Variants in PAMR1 observed in about 807,000 individuals in gnomAD.
The protein encoded by PAMR1 is inactive serine protease PAMR1.
A neutral mutation model predicts 81.8 loss-of-function variants in PAMR1; 88 were observed. That is an observed-to-expected ratio of 1.08 (90% CI 0.91 to 1.28). The LOEUF is 1.28. Among genes scored for constraint, PAMR1 ranks in the 50% most tolerant of loss-of-function variants. The probability of loss-of-function intolerance (pLI) is 0.00; values close to 1 mark genes in which losing one functional copy is unlikely to be tolerated. For missense variants in PAMR1, 935 were observed against 919.7 expected, an observed-to-expected ratio of 1.02 and a Z score of -0.21; for synonymous variants, 336 against 345.3, an observed-to-expected ratio of 0.97 and a Z score of 0.30.
chr11:35,440,759 C>T (rs1856147951), intron 7 of PAMR1, among the ~76,000 whole-genome samples: 1 of 152,192 alleles, frequency 6.6e-6, no homozygotes, highest in African/African-American at 2.4e-5. Context: ...CCTTGATTCC[C>T]AGATTGCCTC....
intron 6 of PAMR1, among the ~76,000 whole-genome samples, chr11:35,463,354 G>A (rs1187054343): frequency 6.6e-6 from 1 of 152,230 alleles, no homozygotes; most frequent in Admixed American, 6.5e-5. Flanking sequence ...AGAGCCCGCA[G>A]TGTGAGCATT....
In PAMR1 at chr11:35,474,694, A is replaced by G; in HGVS notation, c.430T>C (p.Tyr144His). ...CATTCACAGTGAGCATTTAGGGGAT[A>G]GCTTTCCAACAAAATCTGACCCTTT... ...APKGQILLESYPLNAHCEWTI... is the reference protein window; with the variant it reads ...APKGQILLESHPLNAHCEWTI... The change falls in exon 4 of 11, where the codon TAT (tyrosine) becomes CAT (histidine). Residue 144 changes from tyrosine to histidine, a missense_variant. Transcript: ENST00000619888. 1 of 1,611,224 alleles carries G rather than the reference A, an allele frequency of 6.2e-7. No individual in the cohort carries two copies. Among genetic ancestry groups the G allele is most frequent in the Non-Finnish European group, 8.5e-7 (1 of 1,178,862 alleles).
intron 3 of PAMR1, among the ~76,000 whole-genome samples, chr11:35,484,641 C>G (rs747339538): frequency 6.6e-6 from 1 of 152,258 alleles, no homozygotes; most frequent in Admixed American, 6.5e-5. Context: ...TCCTCTGTTT[C>G]TCTGCCTCTG....
intron 3 of PAMR1, among the ~76,000 whole-genome samples, chr11:35,484,015 T>C (rs1212833926): frequency 6.6e-6 from 1 of 152,228 alleles, no homozygotes; most frequent in Non-Finnish European, 1.5e-5. Context: ...TTTCTTCCCC[T>C]GCCACCCAAA....
chr11:35,490,525 G>A (rs944702382), intron 3 of PAMR1, among the ~76,000 whole-genome samples: 1 of 152,226 alleles, frequency 6.6e-6, no homozygotes, highest in South Asian at 2.1e-4. Flanking sequence ...GGTGGCATGT[G>A]CCTGCAGTCC....
chr11:35,500,082 G>A (rs2135407324), intron 1 of PAMR1, among the ~76,000 whole-genome samples: 1 of 152,268 alleles, frequency 6.6e-6, no homozygotes, highest in East Asian at 1.9e-4. Context: ...CTTCTCCTGT[G>A]GAGCATCCAG....
At chr11:35,464,918 G>A (rs187856065) in intron 6 of PAMR1, among the ~76,000 whole-genome samples, 30 of 152,230 alleles carry the variant, frequency 2.0e-4, no homozygotes, top group East Asian at 3.9e-4. Flanking sequence ...TCTGTACATC[G>A]GAATTCTATT....
chr11:35,448,084 T>G (rs113022516), intron 6 of PAMR1, among the ~76,000 whole-genome samples: 5,686 of 152,300 alleles, frequency 0.037, 362 homozygotes, highest in African/African-American at 0.13. Context: ...ATTTTTTCCT[T>G]CATTTCAACC....
chr11:35,467,344 C>T, intron 6 of PAMR1, among the ~76,000 whole-genome samples: 1 of 152,222 alleles, frequency 6.6e-6, no homozygotes, highest in African/African-American at 2.4e-5. Context: ...GAAAACCTAC[C>T]TAGGAGACTC....
intron 3 of PAMR1, among the ~76,000 whole-genome samples, chr11:35,485,188 A>C (rs1011078877): frequency 1.3e-5 from 2 of 152,212 alleles, no homozygotes; most frequent in African/African-American, 4.8e-5. Context: ...CAGCCTGCTT[A>C]ACGGGCCAAA....
At chr11:35,524,720 C>A (rs149791866) in intron 1 of PAMR1, among the ~76,000 whole-genome samples, 8 of 152,178 alleles carry the variant, frequency 5.3e-5, no homozygotes, top group African/African-American at 1.9e-4. Flanking sequence ...CCCACTTCCC[C>A]GCCTGCCAGC....
intron 3 of PAMR1, among the ~76,000 whole-genome samples, chr11:35,479,371 G>A (rs1471209675): frequency 6.6e-6 from 1 of 152,206 alleles, no homozygotes; most frequent in African/African-American, 2.4e-5. Flanking sequence ...TTGGAAATGA[G>A]AATATTTGTA....
intron 3 of PAMR1, among the ~76,000 whole-genome samples, chr11:35,490,414 A>T (rs1850598509): frequency 6.6e-6 from 1 of 152,224 alleles, no homozygotes; most frequent in African/African-American, 2.4e-5. Flanking sequence ...ACCCAAAGTG[A>T]TCTTACATAA....
chr11:35,463,743 C>T (rs965552291), intron 6 of PAMR1, among the ~76,000 whole-genome samples: 6 of 152,132 alleles, frequency 3.9e-5, no homozygotes, highest in Non-Finnish European at 8.8e-5. Flanking sequence ...TTTCCTCCTT[C>T]GGAAACAATC....
intron 1 of PAMR1, among the ~76,000 whole-genome samples, chr11:35,495,126 A>G (rs1565352166): frequency 6.6e-6 from 1 of 152,222 alleles, no homozygotes. Context: ...TGCAAGGCCA[A>G]TTGCCAAGTA....
chr11:35,473,612 T>C (rs920447665), intron 4 of PAMR1, among the ~76,000 whole-genome samples: 1 of 152,160 alleles, frequency 6.6e-6, no homozygotes, highest in Admixed American at 6.5e-5. Flanking sequence ...CAAGCTGTCA[T>C]GCACTAGTTT....
chr11:35,491,884 C>A (rs1339721205), intron 3 of PAMR1, among the ~76,000 whole-genome samples, 161 bp downstream of exon 3: 6 of 152,230 alleles, frequency 3.9e-5, no homozygotes, highest in African/African-American at 1.4e-4. Flanking sequence ...CCACACCTTG[C>A]AGATGGAAAT....
In PAMR1 at chr11:35,432,441, T is replaced by C. The variant is rs757091859; in HGVS notation, c.2078A>G (p.Tyr693Cys). The C allele has an allele frequency of 7.4e-6, 12 of 1,614,190 alleles. No homozygotes were observed. In the South Asian group the frequency reaches 1.1e-4, roughly 15 times the overall value. ...WHLMGLVSWS[Y>C]DKTCSHRLST... Reference sequence around the variant, plus strand: ...GAGCCTGTGGCTGCATGTTTTATCATAGCTCCAGCTGACCAGTCCCATCAG... The same window carrying C: ...GAGCCTGTGGCTGCATGTTTTATCACAGCTCCAGCTGACCAGTCCCATCAG... The change falls in exon 11 of 11, where the codon TAT becomes TGT. Residue 693 changes from tyrosine (Y) to cysteine (C), a missense_variant. Transcript: ENST00000619888.
chr11:35,455,069 G>A (rs544718297), intron 6 of PAMR1, among the ~76,000 whole-genome samples: 1 of 152,324 alleles, frequency 6.6e-6, no homozygotes, highest in African/African-American at 2.4e-5. Flanking sequence ...CTGAATTACA[G>A]GTCTGAGAGA....
Sources: gnomAD v4.1 joint callset for allele counts (sites outside exome capture counted in the v4.1 genomes callset) on GRCh38, gnomAD v4.1.1 for gene constraint, MANE v1.5 for transcripts, NCBI Gene and HGNC (gene_info 2026-07-23, HGNC 2026-07-21) for gene names.